JADE2: variants seen among roughly 807,000 people sequenced by gnomAD.
The protein encoded by JADE2 is jade family PHD finger 2, also known as E3 ubiquitin-protein ligase Jade-2.
Under a neutral mutation model 85.7 loss-of-function variants are expected in JADE2, and 13 were observed. That is an observed-to-expected ratio of 0.15 (90% confidence interval 0.10 to 0.24). The LOEUF (loss-of-function observed/expected upper bound fraction) is 0.24. Ranked by LOEUF, JADE2 falls within the 10% of genes least tolerant of loss-of-function variation. The pLI, the probability that JADE2 is intolerant of heterozygous loss-of-function variation, is 1.00. For synonymous variants in JADE2, 440 were observed against 456.1 expected (o/e 0.96, Z 0.45); for missense variants, 846 against 1,115.9 (o/e 0.76, Z 3.45).
intron 1 of JADE2, among the ~76,000 whole-genome samples, chr5:134,527,360 C>T (rs1014510290): frequency 1.3e-5 from 2 of 152,102 alleles, no homozygotes; most frequent in African/African-American, 4.8e-5. Flanking sequence ...GGCCAAGGGA[C>T]GAGAGGGGTC....
intron 11 of JADE2, 141 bp downstream of exon 11, chr5:134,577,037 A>G: frequency 1.1e-6 from 1 of 921,654 alleles, no homozygotes; most frequent in Non-Finnish European, 1.6e-6. Context: ...TTGCTTGCCC[A>G]GGTGCACACA....
chr5:134,537,452 C>T (rs184828146), intron 2 of JADE2, among the ~76,000 whole-genome samples: 1 of 150,152 alleles, frequency 6.7e-6, no homozygotes, highest in East Asian at 1.9e-4. Context: ...TCTTTTGCCC[C>T]CATTTTACAG....
chr5:134,565,905 T>C (rs144026715), intron 8 of JADE2, among the ~76,000 whole-genome samples: 6 of 151,530 alleles, frequency 4.0e-5, no homozygotes, highest in Non-Finnish European at 7.4e-5. Context: ...CATGTGGTGT[T>C]GAATGGGTTA....
chr5:134,557,375 CT>C (rs59421890), intron 4 of JADE2, among the ~76,000 whole-genome samples: 11,856 of 121,648 alleles, frequency 0.097, 919 homozygotes, highest in South Asian at 0.28. Context: ...TTGAAAATAA[CT>C]TTTTTTTTTT....
intron 3 of JADE2, among the ~76,000 whole-genome samples, chr5:134,549,976 G>C (rs1163776749): frequency 1.3e-5 from 2 of 152,248 alleles, no homozygotes; most frequent in African/African-American, 4.8e-5. Context: ...GAGCTCAGGA[G>C]AGTCTCCAGA....
At chr5:134,536,227 G>A (rs1311806795) in intron 2 of JADE2, among the ~76,000 whole-genome samples, 2 of 152,064 alleles carry the variant, frequency 1.3e-5, no homozygotes, top group Non-Finnish European at 2.9e-5. Context: ...TTAAGTGAAG[G>A]TCCATATAGA....
rs542642247 is a variant in JADE2, at chr5:134,562,510, C to A, written c.852+143C>A. 3.9e-5 allele frequency: 32 copies of A among 829,126 alleles called. No homozygotes were observed. In the Admixed American group the frequency reaches 8.3e-4, roughly 21 times the overall value. 51.4% of individuals were successfully genotyped at this position (829,126 alleles called of 1,614,324 possible). ...GAGATCGGCCGGGCGCGGTGGCTCA[C>A]GCCTGTAATCCCAGCATTTTGGGAG... is the stretch of plus-strand genomic sequence containing the variant. On this transcript the variant is annotated intron_variant, in intron 7 of 11. Coordinates refer to ENST00000681547, the MANE Select transcript of JADE2 (RefSeq NM_001388185.1). This position sits in a 1 kb window ranked among gnomAD's most constrained non-coding sequence, Gnocchi z 4.6.
At chr5:134,548,057 G>A (rs548540091) in intron 3 of JADE2, among the ~76,000 whole-genome samples, 13 of 152,346 alleles carry the variant, frequency 8.5e-5, no homozygotes, top group African/African-American at 2.6e-4. Context: ...GCGTTCTCCC[G>A]TGTGCAAAGG....
intron 9 of JADE2, among the ~76,000 whole-genome samples, chr5:134,570,919 A>G (rs329319): frequency 0.54 from 82,616 of 152,098 alleles, 22,712 homozygotes; most frequent in East Asian, 0.73. Context: ...TTTAAAGGCC[A>G]CCGGCATCTC....
chr5:134,537,352 T>C (rs568531925), intron 2 of JADE2, among the ~76,000 whole-genome samples: 45 of 152,344 alleles, frequency 3.0e-4, no homozygotes, highest in African/African-American at 1.0e-3. Flanking sequence ...CTAATGTTTA[T>C]TGAGGAATCA....
In JADE2 at chr5:134,556,913, CACACACACATCACACAGCACACA is replaced by C. The variant is rs1377048967; in HGVS notation, c.312-2911_312-2889del. ...ACACACCCCACACATACCACATGCACACACACACATCACACAGCACACAACACATACACACACACCACACACAC... is the reference window on the plus strand; with the variant it reads ...ACACACCCCACACATACCACATGCACACACATACACACACACCACACACAC... On this transcript the variant is annotated intron_variant, in intron 4 of 11. Transcript: ENST00000681547. Among the ~76,000 whole-genome samples the C allele has an allele frequency of 2.9e-3, 401 of 138,922 alleles. 6 individuals are homozygous for C. The highest frequency in any genetic ancestry group is 0.01 in the African/African-American group (375 of 36,392). 91.1% of individuals were successfully genotyped at this position (138,922 alleles called of 152,430 possible).
rs577525112 is a variant in JADE2 at position 134,526,172 on chromosome 5, A to T, written c.-1+161A>T. The stretch of plus-strand genomic sequence containing the variant: ...CCTGTTCTAGGAAGCCAGCGCGGAG[A>T]GGGGGGGGATGCACAGCACAGGGGA... On this transcript the variant is annotated intron_variant, in intron 1 of 11. Coordinates refer to ENST00000681547, the MANE Select transcript of JADE2 (RefSeq NM_001388185.1). 129 of 984,114 alleles carry T rather than the reference A, an allele frequency of 1.3e-4. No individual in the cohort carries two copies. The African/African-American group carries it at 2.2e-3, about 17-fold the overall frequency. 61.0% of individuals were successfully genotyped at this position (984,114 alleles called of 1,614,324 possible).
rs771798288 is a variant in JADE2 at position 134,579,033 on chromosome 5, G to C, written c.2221G>C (p.Gly741Arg). Reference sequence around the variant, plus strand: ...TGCTGACTCAGATGTCCAAGTGCCTGGCCCTGCAGCAAGCCCTAAGCCTTT... The same window carrying C: ...TGCTGACTCAGATGTCCAAGTGCCTCGCCCTGCAGCAAGCCCTAAGCCTTT... ...VAADSDVQVP[G>R]PAASPKPLGR... The change falls in exon 12 of 12, where the codon GGC (glycine) becomes CGC (arginine). Residue 741 changes from glycine (G) to arginine (R), a missense_variant. Transcript: ENST00000681547. This position sits in a 1 kb window ranked among gnomAD's most constrained non-coding sequence, Gnocchi z 4.6. 1.2e-6 allele frequency: 2 copies of C among 1,613,970 alleles called. No homozygotes were observed. The highest frequency in any genetic ancestry group is 3.3e-5 in the Admixed American group (2 of 60,032).
At chr5:134,560,091 A>G in intron 5 of JADE2, 101 bp downstream of exon 5, 1 of 1,352,700 alleles carries the variant, frequency 7.4e-7, no homozygotes, top group Non-Finnish European at 1.0e-6. Context: ...ATGGTATGGC[A>G]TGGATCTGGA....
chr5:134,535,950 G>T, intron 2 of JADE2, 35 bp downstream of exon 2: 1 of 1,589,628 alleles, frequency 6.3e-7, no homozygotes, highest in Non-Finnish European at 8.6e-7. Context: ...TACAGGGAAA[G>T]CATTTGAACA....
intron 11 of JADE2, 130 bp downstream of exon 11, chr5:134,577,026 C>G (rs1764411924): frequency 1.8e-6 from 2 of 1,106,984 alleles, no homozygotes; most frequent in Non-Finnish European, 2.5e-6. Context: ...TAACCAGGCC[C>G]TTGCTTGCCC....
rs183513588 is a variant in JADE2, at chr5:134,574,386, G to A, written c.1552+624G>A. The A allele has an allele frequency of 4.5e-3, 740 of 163,328 alleles. 4 individuals carry two copies. Among genetic ancestry groups the A allele is most frequent in the Middle Eastern group, 0.012 (4 of 336 alleles). The allele number at this position is 163,328 out of a possible 1,614,324, so 10.1% of individuals were successfully genotyped here. Reference sequence around the variant, plus strand: ...AATTGTGGATATTGCCAGACACAGGGCCCTTCTTGGAGCGTATACATGTTA... The same window carrying A: ...AATTGTGGATATTGCCAGACACAGGACCCTTCTTGGAGCGTATACATGTTA... On this transcript the variant is annotated intron_variant, in intron 10 of 11. Coordinates refer to ENST00000681547, the MANE Select transcript of JADE2 (RefSeq NM_001388185.1).
At chr5:134,558,462 T>C (rs1039015857) in intron 4 of JADE2, among the ~76,000 whole-genome samples, 5 of 151,614 alleles carry the variant, frequency 3.3e-5, no homozygotes, top group Non-Finnish European at 7.4e-5. Context: ...TGCCCACGCC[T>C]ATGTCCTGAA....
intron 1 of JADE2, chr5:134,526,501 A>G (rs1031890274): frequency 4.1e-6 from 4 of 984,534 alleles, no homozygotes; most frequent in Non-Finnish European, 4.8e-6. Context: ...TGTCTCCCCG[A>G]GTTTCATTTT....
Sources: gnomAD v4.1 joint callset for allele counts (sites outside exome capture counted in the v4.1 genomes callset) on GRCh38, gnomAD v4.1.1 for gene constraint, Gnocchi (gnomAD v3.1) non-coding constraint, MANE v1.5 for transcripts, NCBI Gene and HGNC (gene_info 2026-07-23, HGNC 2026-07-21) for gene names.